HMGA2: variants seen among roughly 807,000 people sequenced by gnomAD.
The protein encoded by HMGA2 is high mobility group protein HMGI-C.
In HMGA2, 8 loss-of-function variants were observed where a neutral mutation model predicts 19.1. That is an observed-to-expected ratio of 0.42 (90% CI 0.25 to 0.76). The LOEUF is 0.76. HMGA2 is among the 30% of genes least tolerant of loss of function. The probability of loss-of-function intolerance (pLI) is 0.28; values close to 1 mark genes in which losing one functional copy is unlikely to be tolerated. For synonymous variants in HMGA2, 60 were observed against 48.8 expected (o/e 1.23, Z -0.96); for missense variants, 109 against 136.3 (o/e 0.80, Z 1.00).
chr12:65,867,165 A>G (rs1172830895), intron 3 of HMGA2, among the ~76,000 whole-genome samples: 1 of 152,188 alleles, frequency 6.6e-6, no homozygotes, highest in Non-Finnish European at 1.5e-5. Context: ...AGGGCCTGCC[A>G]TTTTTGTTAA....
In HMGA2 at chr12:65,824,719, CT is replaced by C. The variant is rs1870031189; in HGVS notation, c.-551del. On this transcript the variant is annotated 5_prime_UTR_variant, in exon 1 of 5. Coordinates refer to ENST00000403681, the MANE Select transcript of HMGA2 (RefSeq NM_003483.6). Reference sequence around the variant, plus strand: ...CACTTTCAATCTCAATCTCTTCTCTCTCTCTCTCTCTCTCTCTCTCTCTCTC... The same window carrying C: ...CACTTTCAATCTCAATCTCTTCTCTCCTCTCTCTCTCTCTCTCTCTCTCTC... 1.4e-5 allele frequency: 1 copy of C among 70,460 alleles called. No homozygotes were observed. Among genetic ancestry groups the C allele is most frequent in the Admixed American group, 1.8e-4 (1 of 5,566 alleles). 4.4% of individuals were successfully genotyped at this position (70,460 alleles called of 1,614,324 possible).
At chr12:65,889,990 C>A (rs779968428) in intron 3 of HMGA2, among the ~76,000 whole-genome samples, 1 of 152,184 alleles carries the variant, frequency 6.6e-6, no homozygotes, top group African/African-American at 2.4e-5. Flanking sequence ...TTCTTACCCA[C>A]TTGTATTTCT....
At chr12:65,924,931 G>C (rs1565734216) in intron 3 of HMGA2, among the ~76,000 whole-genome samples, 1 of 152,002 alleles carries the variant, frequency 6.6e-6, no homozygotes, top group African/African-American at 2.4e-5. Context: ...TTCTAGAGTG[G>C]GGCTGGCAAT....
At chr12:65,836,129 G>A (rs1870707332) in intron 2 of HMGA2, among the ~76,000 whole-genome samples, 1 of 152,202 alleles carries the variant, frequency 6.6e-6, no homozygotes, top group South Asian at 2.1e-4. Flanking sequence ...GGAGGCAGAG[G>A]CGGGCGGATT....
chr12:65,965,548 C>A lies in HMGA2; in HGVS notation c.*2256C>A, dbSNP rs1423453316. Reference sequence around the variant, plus strand: ...CTCTCTGAGACTGGCAGATCGCTCACTGTTGTGAATCACCAAAGGAGCTAT... The same window carrying A: ...CTCTCTGAGACTGGCAGATCGCTCAATGTTGTGAATCACCAAAGGAGCTAT... On this transcript the variant is annotated 3_prime_UTR_variant, in exon 5 of 5. Transcript: ENST00000403681. 9.5e-6 allele frequency: 2 copies of A among 211,304 alleles called. No individual in the cohort carries two copies. The highest frequency in any genetic ancestry group is 1.9e-5 in the Non-Finnish European group (2 of 104,060). 13.1% of individuals were successfully genotyped at this position (211,304 alleles called of 1,614,324 possible).
At chr12:65,906,571 C>G (rs2121195619) in intron 3 of HMGA2, among the ~76,000 whole-genome samples, 1 of 152,222 alleles carries the variant, frequency 6.6e-6, no homozygotes, top group East Asian at 1.9e-4. Context: ...AGGTGACTCT[C>G]TAGTCTTCCC....
chr12:65,865,149 G>C (rs1396205883), intron 3 of HMGA2, among the ~76,000 whole-genome samples: 2 of 152,140 alleles, frequency 1.3e-5, no homozygotes, highest in African/African-American at 4.8e-5. Flanking sequence ...TTTACATGTA[G>C]TTTGTAAGGA....
At chr12:65,884,949 A>C (rs1212611532) in intron 3 of HMGA2, among the ~76,000 whole-genome samples, 1 of 152,182 alleles carries the variant, frequency 6.6e-6, no homozygotes, top group African/African-American at 2.4e-5. Context: ...TAATTGTATT[A>C]ATCACTTGTG....
chr12:65,824,841 T>A lies in HMGA2; in HGVS notation c.-430T>A. On this transcript the variant is annotated 5_prime_UTR_variant, in exon 1 of 5. Coordinates refer to ENST00000403681, the MANE Select transcript of HMGA2 (RefSeq NM_003483.6). Reference sequence around the variant, plus strand: ...TTCAAGGGACACAATTCACTCCAAGTCTCTTCCCTTTCCAAGCCGCTTCCG... The same window carrying A: ...TTCAAGGGACACAATTCACTCCAAGACTCTTCCCTTTCCAAGCCGCTTCCG... 1 of 247,366 alleles carries A rather than the reference T, an allele frequency of 4.0e-6. No homozygotes were observed. Among genetic ancestry groups the A allele is most frequent in the Non-Finnish European group, 7.8e-6 (1 of 127,970 alleles). 15.3% of individuals were successfully genotyped at this position (247,366 alleles called of 1,614,324 possible). A position where few individuals can be genotyped will look rare whatever the true frequency, so the allele number is the denominator to read the frequency against.
chr12:65,837,922 A>T (rs377281954), intron 2 of HMGA2, among the ~76,000 whole-genome samples: 2 of 152,152 alleles, frequency 1.3e-5, no homozygotes, highest in African/African-American at 4.8e-5. Flanking sequence ...ACTGATTGAC[A>T]GGTGATTGTT....
At chr12:65,842,674 A>G in intron 3 of HMGA2, 1 of 1,530,076 alleles carries the variant, frequency 6.5e-7, no homozygotes, top group Non-Finnish European at 8.7e-7. Flanking sequence ...TTTGAAAAGA[A>G]GTATTTCTGC....
chr12:65,833,437 G>A lies in HMGA2; in HGVS notation c.199-5082G>A, dbSNP rs1870561300. On this transcript the variant is annotated intron_variant, in intron 2 of 4. Coordinates refer to ENST00000403681, the MANE Select transcript of HMGA2 (RefSeq NM_003483.6). ...AGTTTTTTTTTTTTTTGGTACAGATGCACTGATGGATTTGCAGTGGGGGAT... is the reference window on the plus strand; with the variant it reads ...AGTTTTTTTTTTTTTTGGTACAGATACACTGATGGATTTGCAGTGGGGGAT... 2.0e-5 allele frequency among the ~76,000 whole-genome samples: 3 copies of A among 149,678 alleles called. No individual in the cohort carries two copies. The South Asian group carries it at 6.3e-4, about 32-fold the overall frequency.
intron 3 of HMGA2, among the ~76,000 whole-genome samples, chr12:65,929,066 T>G (rs998246246): frequency 3.3e-5 from 5 of 152,210 alleles, no homozygotes; most frequent in Non-Finnish European, 7.4e-5. Context: ...GAATCGCAAT[T>G]AAAATATTCA....
At chr12:65,924,012 A>G (rs1002114984) in intron 3 of HMGA2, among the ~76,000 whole-genome samples, 2 of 152,142 alleles carry the variant, frequency 1.3e-5, no homozygotes, top group Admixed American at 6.6e-5. Context: ...CCCCATCTCA[A>G]AAAAACAAAA....
At chr12:65,879,574 A>G (rs1358690364) in intron 3 of HMGA2, among the ~76,000 whole-genome samples, 3 of 152,168 alleles carry the variant, frequency 2.0e-5, no homozygotes, top group Non-Finnish European at 4.4e-5. Context: ...GTGTTATGAC[A>G]TTTTTTTCCT....
chr12:65,838,622 G>A (rs1870844388), intron 3 of HMGA2, 53 bp downstream of exon 3: 6 of 1,302,108 alleles, frequency 4.6e-6, no homozygotes, highest in Non-Finnish European at 4.4e-6. Context: ...AATTTCTGTT[G>A]TATTAAATGA....
chr12:65,846,094 A>G (rs10878339), intron 3 of HMGA2, among the ~76,000 whole-genome samples: 36,433 of 151,948 alleles, frequency 0.24, 8,289 homozygotes, highest in African/African-American at 0.6. Context: ...GATTATCTAC[A>G]TCCAGGCTCG....
At chr12:65,837,198 A>G (rs541238511) in intron 2 of HMGA2, among the ~76,000 whole-genome samples, 2 of 152,354 alleles carry the variant, frequency 1.3e-5, no homozygotes, top group African/African-American at 4.8e-5. Context: ...AGTTAACATT[A>G]CAGTCATATA....
At chr12:65,844,162 A>T (rs768794937) in intron 3 of HMGA2, among the ~76,000 whole-genome samples, 10 of 152,180 alleles carry the variant, frequency 6.6e-5, no homozygotes, top group Non-Finnish European at 1.2e-4. Flanking sequence ...GGGAAGAAAT[A>T]ACTTTGATAT....
Sources: gnomAD v4.1 joint callset for allele counts (sites outside exome capture counted in the v4.1 genomes callset) on GRCh38, gnomAD v4.1.1 for gene constraint, MANE v1.5 for transcripts, NCBI Gene and HGNC (gene_info 2026-07-23, HGNC 2026-07-21) for gene names.